TXNRD3: variants seen among roughly 807,000 people sequenced by gnomAD.
TXNRD3 encodes the protein TXNRD3 neighbor gene protein.
In TXNRD3, 68 loss-of-function variants were observed where a neutral mutation model predicts 78.2. The ratio of observed to expected loss-of-function variants is 0.87; its 90% CI spans 0.72 to 1.06. TXNRD3 has a LOEUF of 1.06. Ranked by LOEUF, TXNRD3 falls within the 50% of genes least tolerant of loss-of-function variation. The pLI, the probability that TXNRD3 is intolerant of heterozygous loss-of-function variation, is 0.00. For synonymous variants in TXNRD3, 296 were observed against 300.1 expected (o/e 0.99, Z 0.14); for missense variants, 751 against 809.5 (o/e 0.93, Z 0.88).
chr3:126,617,181 G>T (rs568158941), intron 12 of TXNRD3, among the ~76,000 whole-genome samples: 2 of 152,184 alleles, frequency 1.3e-5, no homozygotes, highest in East Asian at 3.9e-4. Context: ...TCCTTCACCT[G>T]GACTTGACTC....
chr3:126,616,518 G>A (rs1033312746), intron 12 of TXNRD3, among the ~76,000 whole-genome samples: 52 of 152,272 alleles, frequency 3.4e-4, no homozygotes, highest in Middle Eastern at 3.4e-3. Context: ...GTAGAGGAAC[G>A]GGAAGAAATG....
chr3:126,640,791 T>C lies in TXNRD3; in HGVS notation c.712+1241A>G, dbSNP rs148590540. Among the ~76,000 whole-genome samples the C allele has an allele frequency of 2.0e-3, 305 of 152,076 alleles. 2 individuals are homozygous for C. The highest frequency in any genetic ancestry group is 7.2e-3 in the African/African-American group (299 of 41,468). The stretch of plus-strand genomic sequence containing the variant: ...ATTTCTTGCCCCCACTTCCCTATCC[T>C]TTCCTCTCTTTTCTAAGTTCCTCAG... On this transcript the variant is annotated intron_variant, in intron 6 of 15. Coordinates refer to ENST00000524230, the MANE Select transcript of TXNRD3 (RefSeq NM_052883.3).
At chr3:126,615,505 T>C (rs1333881773) in intron 12 of TXNRD3, 43 bp from the exon 13 acceptor site, 2 of 1,080,008 alleles carry the variant, frequency 1.9e-6, no homozygotes, top group Non-Finnish European at 1.3e-6. Context: ...TGTGAAACTT[T>C]ATAGCAAAAA....
chr3:126,624,582 G>A (rs1029829907), intron 10 of TXNRD3, among the ~76,000 whole-genome samples: 4 of 152,110 alleles, frequency 2.6e-5, no homozygotes, highest in East Asian at 1.9e-4. Context: ...CACCATGACC[G>A]GCTAATTTTT....
intron 1 of TXNRD3, among the ~76,000 whole-genome samples, chr3:126,651,433 C>T (rs1449392189): frequency 1.3e-5 from 2 of 152,118 alleles, no homozygotes; most frequent in Admixed American, 1.3e-4. Context: ...AAAATGGTGG[C>T]CACATTACTG....
chr3:126,618,102 C>T (rs1938357854), intron 12 of TXNRD3, among the ~76,000 whole-genome samples: 2 of 152,146 alleles, frequency 1.3e-5, no homozygotes, highest in African/African-American at 4.8e-5. Flanking sequence ...ATATCCCATG[C>T]TCATGGATTG....
rs568427370 is a variant in TXNRD3, at chr3:126,654,928, G to A, written c.63C>T (p.Arg21=). Residue 21 remains arginine (R), a synonymous_variant, in exon 1 of 16, where the codon CGC becomes CGT. Coordinates refer to ENST00000524230, the MANE Select transcript of TXNRD3 (RefSeq NM_052883.3). Reference sequence around the variant, plus strand: ...CGCGCGCCCCTCGGACATGGCCCGAGCGGCGGTTGGGGGCATCGCCCGCCT... The same window carrying A: ...CGCGCGCCCCTCGGACATGGCCCGAACGGCGGTTGGGGGCATCGCCCGCCT... 6.1e-4 allele frequency: 795 copies of A among 1,298,054 alleles called. 5 individuals carry two copies. The African/African-American group carries it at 0.011, about 18-fold the overall frequency. The allele number at this position is 1,298,054 out of a possible 1,614,324, so 80.4% of individuals were successfully genotyped here. A position where few individuals can be genotyped will look rare whatever the true frequency, so the allele number is the denominator to read the frequency against.
chr3:126,618,450 C>A (rs1938364195), intron 12 of TXNRD3, among the ~76,000 whole-genome samples: 1 of 151,990 alleles, frequency 6.6e-6, no homozygotes, highest in African/African-American at 2.4e-5. Flanking sequence ...GACAAAGGAA[C>A]CAAGAACATA....
chr3:126,621,349 C>A (rs549706556), intron 12 of TXNRD3, among the ~76,000 whole-genome samples: 2 of 152,308 alleles, frequency 1.3e-5, no homozygotes, highest in South Asian at 4.1e-4. Context: ...TATTACAGTG[C>A]AACAGTCCAC....
intron 1 of TXNRD3, among the ~76,000 whole-genome samples, chr3:126,649,357 G>C (rs1205364822): frequency 6.6e-6 from 1 of 152,198 alleles, no homozygotes; most frequent in Non-Finnish European, 1.5e-5. Context: ...ATGTTGGTGA[G>C]GATGCAGAGA....
intron 2 of TXNRD3, among the ~76,000 whole-genome samples, chr3:126,646,732 G>A (rs1290649103): frequency 6.6e-6 from 1 of 152,168 alleles, no homozygotes; most frequent in Non-Finnish European, 1.5e-5. Context: ...GAGTCAGTGA[G>A]GTTCTATGAA....
At chr3:126,616,137 T>C (rs56229388) in intron 12 of TXNRD3, among the ~76,000 whole-genome samples, 5,757 of 152,240 alleles carry the variant, frequency 0.038, 203 homozygotes, top group African/African-American at 0.092. Flanking sequence ...CACTCCTGCC[T>C]AGGAAAGGCC....
In TXNRD3 at chr3:126,611,149, A is replaced by G; in HGVS notation, c.1633-17T>C. On this transcript the variant is annotated splice_polypyrimidine_tract_variant and intron_variant, in intron 13 of 15. Coordinates refer to ENST00000524230, the MANE Select transcript of TXNRD3 (RefSeq NM_052883.3). ...ATGATATATCTGGAAGATAAAAGAG[A>G]GAAAAAGGGCAGAATTAATGTATAT... is the stretch of plus-strand genomic sequence containing the variant. 6.8e-7 allele frequency: 1 copy of G among 1,461,912 alleles called. No individual in the cohort carries two copies. Among genetic ancestry groups the G allele is most frequent in the Non-Finnish European group, 9.1e-7 (1 of 1,094,872 alleles). The allele number at this position is 1,461,912 out of a possible 1,614,324, so 90.6% of individuals were successfully genotyped here.
intron 1 of TXNRD3, among the ~76,000 whole-genome samples, chr3:126,653,637 G>A (rs1285363825): frequency 6.6e-6 from 1 of 152,158 alleles, no homozygotes; most frequent in South Asian, 2.1e-4. Context: ...AACTCAGTTG[G>A]GCATTACCTT....
chr3:126,649,580 G>T (rs567087047), intron 1 of TXNRD3, among the ~76,000 whole-genome samples: 1 of 152,190 alleles, frequency 6.6e-6, no homozygotes, highest in East Asian at 1.9e-4. Context: ...TAGCCAAAAG[G>T]TGGAAGCAAT....
At chr3:126,651,989 A>G (rs372424970) in intron 1 of TXNRD3, among the ~76,000 whole-genome samples, 2 of 152,236 alleles carry the variant, frequency 1.3e-5, no homozygotes, top group African/African-American at 4.8e-5. Flanking sequence ...AATACATTAA[A>G]TTTACAAACT....
chr3:126,655,115 G>T lies in TXNRD3; in HGVS notation c.-125C>A. The T allele has an allele frequency of 7.7e-7, 1 of 1,292,076 alleles. No homozygotes were observed. Among genetic ancestry groups the T allele is most frequent in the South Asian group, 2.1e-5 (1 of 46,860 alleles). The allele number at this position is 1,292,076 out of a possible 1,614,324, so 80.0% of individuals were successfully genotyped here. A position where few individuals can be genotyped will look rare whatever the true frequency, so the allele number is the denominator to read the frequency against. On this transcript the variant is annotated 5_prime_UTR_variant, in exon 1 of 16. Transcript: ENST00000524230. The stretch of plus-strand genomic sequence containing the variant: ...CTCGCTGGCCACTCTCACCACCCGC[G>T]CGAATCCGCGAGGCAGCCGCTCGCC...
intron 5 of TXNRD3, 140 bp from the exon 6 acceptor site, chr3:126,642,291 A>T: frequency 9.1e-7 from 1 of 1,102,416 alleles, no homozygotes; most frequent in East Asian, 2.7e-5. Context: ...GACACAAGGG[A>T]TTAACCCAAA....
chr3:126,628,718 GAA>G (rs1938638062), intron 10 of TXNRD3, among the ~76,000 whole-genome samples: 1 of 152,084 alleles, frequency 6.6e-6, no homozygotes, highest in African/African-American at 2.4e-5. Flanking sequence ...TGGGAAGACT[GAA>G]TATTGCAAAG....
Sources: gnomAD v4.1 joint callset for allele counts (sites outside exome capture counted in the v4.1 genomes callset) on GRCh38, gnomAD v4.1.1 for gene constraint, MANE v1.5 for transcripts, NCBI Gene and HGNC (gene_info 2026-07-23, HGNC 2026-07-21) for gene names.